Variants in PAN3 observed in about 807,000 individuals in gnomAD.
PAN3 encodes the protein poly(A) specific ribonuclease subunit PAN3, also known as PAN2-PAN3 deadenylation complex subunit PAN3.
A neutral mutation model predicts 96.2 loss-of-function variants in PAN3; 19 were observed. The observed-to-expected ratio is 0.20, with a 90% confidence interval of 0.14 to 0.29. The LOEUF (loss-of-function observed/expected upper bound fraction) is 0.29, where lower values mean the gene tolerates loss of function less well. Among genes scored for constraint, PAN3 ranks in the 10% least tolerant of loss-of-function variants. PAN3 has a pLI of 1.00. For missense variants in PAN3, 882 were observed against 1,108.1 expected (o/e 0.80, Z 2.90); for synonymous variants, 433 against 406.6 (o/e 1.06, Z -0.78).
intron 1 of PAN3, among the ~76,000 whole-genome samples, chr13:28,149,654 C>T (rs779741553): frequency 2.0e-5 from 3 of 152,108 alleles, no homozygotes; most frequent in African/African-American, 7.2e-5. Context: ...CTCTGTCACC[C>T]AGGCTATAGT....
chr13:28,248,139 G>A (rs1442262828), intron 6 of PAN3, among the ~76,000 whole-genome samples: 1 of 151,950 alleles, frequency 6.6e-6, no homozygotes, highest in Non-Finnish European at 1.5e-5. Flanking sequence ...TCACTTCTTT[G>A]GTTAAATTTA....
Position 28,138,734 on chromosome 13 carries a change from C to T in PAN3, c.77C>T (p.Ala26Val). ...PSSSSLAAAV[A>V]VVAPPGVGGV... ...TCCTCCTCGCTGGCGGCGGCGGTGG[C>T]GGTGGTGGCCCCGCCGGGGGTCGGG... Residue 26 changes from alanine to valine, a missense_variant, in exon 1 of 19, where the codon GCG becomes GTG. Coordinates refer to ENST00000380958, the MANE Select transcript of PAN3 (RefSeq NM_175854.8). 8.3e-7 allele frequency: 1 copy of T among 1,211,504 alleles called. No individual in the cohort carries two copies. The highest frequency in any genetic ancestry group is 1.0e-6 in the Non-Finnish European group (1 of 956,980). 75.0% of individuals were successfully genotyped at this position (1,211,504 alleles called of 1,614,324 possible).
chr13:28,269,372 T>C (rs2138661988), intron 12 of PAN3, among the ~76,000 whole-genome samples: 1 of 152,284 alleles, frequency 6.6e-6, no homozygotes, highest in South Asian at 2.1e-4. Context: ...GTTTAAAATA[T>C]TGTTTGAGTA....
chr13:28,200,542 G>A (rs1206388727), intron 5 of PAN3, among the ~76,000 whole-genome samples: 5 of 152,088 alleles, frequency 3.3e-5, no homozygotes, highest in African/African-American at 2.4e-5. Context: ...TCTTTCAAGA[G>A]GCTTATGATT....
At chr13:28,188,831 C>G (rs1260866990) in intron 4 of PAN3, among the ~76,000 whole-genome samples, 1 of 152,080 alleles carries the variant, frequency 6.6e-6, no homozygotes, top group Non-Finnish European at 1.5e-5. Flanking sequence ...TTTGCAATTA[C>G]CAAAAGAATT....
chr13:28,146,512 T>C (rs1351496422), intron 1 of PAN3, among the ~76,000 whole-genome samples: 1 of 152,124 alleles, frequency 6.6e-6, no homozygotes, highest in Admixed American at 6.6e-5. Context: ...GAGGGCTCTC[T>C]CCTGGCTATA....
chr13:28,138,779 C>A lies in PAN3; in HGVS notation c.122C>A (p.Ala41Glu). 1.5e-6 allele frequency: 2 copies of A among 1,372,618 alleles called. No homozygotes were observed. The highest frequency in any genetic ancestry group is 1.7e-5 in the South Asian group (1 of 59,714). 85.0% of individuals were successfully genotyped at this position (1,372,618 alleles called of 1,614,324 possible). Residue 41 changes from alanine (A) to glutamate (E), a missense_variant, in exon 1 of 19, where the codon GCG becomes GAG. Physicochemically the swap from Ala to Glu is moderately radical, Grantham distance 107 (BLOSUM62 -1). Around this residue, in one of 3 missense-constraint regions of PAN3, gnomAD observed 442 missense variants for 422.8 expected, o/e 1.05. Coordinates refer to ENST00000380958, the MANE Select transcript of PAN3 (RefSeq NM_175854.8). ...GTCGGGGGTGTCCCCGGCGGGGCGG[C>A]GGTAGGAGTGAAGCTGAAGTACTGC... ...PGVGGVPGGA[A>E]VGVKLKYCRY...
intron 9 of PAN3, among the ~76,000 whole-genome samples, chr13:28,263,896 C>G (rs1885940892): frequency 6.6e-6 from 1 of 152,150 alleles, no homozygotes; most frequent in Admixed American, 6.5e-5. Context: ...GAGTACTTTA[C>G]ATGATTCATC....
At chr13:28,161,895 G>C (rs911735961) in intron 1 of PAN3, among the ~76,000 whole-genome samples, 3 of 152,310 alleles carry the variant, frequency 2.0e-5, no homozygotes, top group African/African-American at 4.8e-5. Flanking sequence ...TTTACAGACA[G>C]CTTCTGTGGG....
At chr13:28,175,554 G>A (rs751548502) in intron 2 of PAN3, among the ~76,000 whole-genome samples, 8 of 152,162 alleles carry the variant, frequency 5.3e-5, no homozygotes, top group Non-Finnish European at 1.0e-4. Flanking sequence ...ACCACTCCTG[G>A]CCTAGTGTTT....
intron 5 of PAN3, among the ~76,000 whole-genome samples, chr13:28,201,560 A>AT (rs1878702719): frequency 6.6e-6 from 1 of 150,396 alleles, no homozygotes. Context: ...TAGTAATAAT[A>AT]ATTTTTTTTT....
intron 1 of PAN3, among the ~76,000 whole-genome samples, chr13:28,139,893 C>T (rs184611425): frequency 1.2e-3 from 188 of 152,148 alleles, no homozygotes; most frequent in African/African-American, 4.2e-3. Context: ...CGACTGAGCA[C>T]TTGGGTGGGG....
chr13:28,202,197 CA>C (rs1160178747), intron 5 of PAN3, among the ~76,000 whole-genome samples: 2 of 152,136 alleles, frequency 1.3e-5, no homozygotes, highest in African/African-American at 4.8e-5. Context: ...CCCCATTTGA[CA>C]ACAGAATTGG....
chr13:28,154,181 C>G (rs910940554), intron 1 of PAN3, among the ~76,000 whole-genome samples: 3 of 152,208 alleles, frequency 2.0e-5, no homozygotes, highest in Non-Finnish European at 4.4e-5. Flanking sequence ...GGTATTGCAG[C>G]ACTCCCCAGA....
chr13:28,270,396 T>G (rs1201752938), intron 12 of PAN3, among the ~76,000 whole-genome samples: 1 of 152,248 alleles, frequency 6.6e-6, no homozygotes, highest in African/African-American at 2.4e-5. Context: ...TTTATATTTA[T>G]TTGGTTAACA....
intron 4 of PAN3, among the ~76,000 whole-genome samples, chr13:28,193,877 C>A (rs1207213056): frequency 6.6e-6 from 1 of 151,052 alleles, no homozygotes; most frequent in Non-Finnish European, 1.5e-5. Context: ...ACATTTGAGG[C>A]CCAGTGCGGT....
intron 5 of PAN3, chr13:28,215,920 C>G: frequency 8.4e-7 from 1 of 1,184,074 alleles, no homozygotes; most frequent in Non-Finnish European, 1.2e-6. Context: ...ATACCTGCCA[C>G]TCTAGTCTTA....
chr13:28,200,796 C>G lies in PAN3; in HGVS notation c.852+3450C>G, dbSNP rs549119893. ...GAGATATTGATAAGACCCATCTGATCTCCATTAATATGTTTGTAAAGTCCG... is the reference window on the plus strand; with the variant it reads ...GAGATATTGATAAGACCCATCTGATGTCCATTAATATGTTTGTAAAGTCCG... On this transcript the variant is annotated intron_variant, in intron 5 of 18. Transcript: ENST00000380958. Among the ~76,000 whole-genome samples, 50 of 152,222 alleles carry G rather than the reference C, an allele frequency of 3.3e-4. No homozygotes were observed. In the East Asian group the frequency reaches 9.3e-3, roughly 28 times the overall value.
At position 28,260,449 on chromosome 13, in the gene PAN3, G is replaced by A; in HGVS notation, c.1251G>A (p.Val417=). ...TTACCCCCTTCCTACCTTTTTAGGT[G>A]TTTCCAAACTATCATATTTATCCTC... ...DTTPAPLTGM[V]FPNYHIYPPT... The change falls in exon 8 of 19, where the codon GTG becomes GTA. Residue 417 remains valine, a splice_region_variant and synonymous_variant. Transcript: ENST00000380958. 1.9e-6 allele frequency: 3 copies of A among 1,608,076 alleles called. No individual in the cohort carries two copies. The highest frequency in any genetic ancestry group is 2.6e-6 in the Non-Finnish European group (3 of 1,174,782).
Sources: gnomAD v4.1 joint callset for allele counts (sites outside exome capture counted in the v4.1 genomes callset) on GRCh38, gnomAD v4.1.1 for gene constraint, gnomAD v4.1.1 regional missense constraint, MANE v1.5 for transcripts, NCBI Gene and HGNC (gene_info 2026-07-23, HGNC 2026-07-21) for gene names.